The following LUZP2 variants were observed in gnomAD, a reference collection of about 807,000 sequenced individuals.
The protein encoded by LUZP2 is leucine zipper protein 2.
Under a neutral mutation model 51.6 loss-of-function variants are expected in LUZP2, and 52 were observed. The ratio of observed to expected loss-of-function variants is 1.01; its 90% CI spans 0.81 to 1.27. LUZP2 has a LOEUF of 1.27. LUZP2 is among the 50% of genes most tolerant of loss of function. The pLI is 0.00. For missense variants in LUZP2, 436 were observed against 395.4 expected, an observed-to-expected ratio of 1.10 and a Z score of -0.87; for synonymous variants, 154 against 137.3, an observed-to-expected ratio of 1.12 and a Z score of -0.85.
chr11:24,653,691 G>A (rs1476869481), intron 1 of LUZP2, among the ~76,000 whole-genome samples: 1 of 152,134 alleles, frequency 6.6e-6, no homozygotes, highest in Non-Finnish European at 1.5e-5. Context: ...CTGGGGTTGA[G>A]GATGTGAGAA....
intron 5 of LUZP2, among the ~76,000 whole-genome samples, chr11:24,844,074 G>T (rs1408023878): frequency 6.6e-6 from 1 of 152,170 alleles, no homozygotes; most frequent in Admixed American, 6.6e-5. Flanking sequence ...AGTGACTTTG[G>T]AACTGGGTAA....
chr11:24,836,886 T>A (rs1049825570), intron 5 of LUZP2, among the ~76,000 whole-genome samples: 5 of 151,826 alleles, frequency 3.3e-5, no homozygotes, highest in African/African-American at 1.2e-4. Context: ...ATTTCTTGAT[T>A]TTGATGCTTG....
At chr11:24,751,346 G>A (rs528191999) in intron 4 of LUZP2, 2 of 152,342 alleles carry the variant, frequency 1.3e-5, no homozygotes, top group East Asian at 1.9e-4. Flanking sequence ...GTTGAGTCAG[G>A]GGGCCGCAGT....
At chr11:24,970,550 G>A (rs970939247) in intron 7 of LUZP2, among the ~76,000 whole-genome samples, 32 of 152,192 alleles carry the variant, frequency 2.1e-4, no homozygotes, top group African/African-American at 7.2e-4. Flanking sequence ...CAAATCTAAC[G>A]TATGACTGAT....
At chr11:25,005,880 A>G (rs1318266950) in intron 9 of LUZP2, among the ~76,000 whole-genome samples, 1 of 152,106 alleles carries the variant, frequency 6.6e-6, no homozygotes, top group Non-Finnish European at 1.5e-5. Context: ...TTAGAGTCCT[A>G]AGCATTCTCC....
intron 1 of LUZP2, among the ~76,000 whole-genome samples, chr11:24,645,771 G>C (rs930492463): frequency 3.3e-5 from 5 of 152,022 alleles, no homozygotes; most frequent in Non-Finnish European, 7.4e-5. Context: ...GTTACATCCT[G>C]AGTGAGTAAT....
intron 5 of LUZP2, among the ~76,000 whole-genome samples, chr11:24,867,209 T>C (rs1300295117): frequency 6.6e-6 from 1 of 152,142 alleles, no homozygotes; most frequent in East Asian, 1.9e-4. Context: ...ACTCCTTGCA[T>C]TCTCATCTTA....
chr11:24,895,194 A>G (rs1852998939), intron 5 of LUZP2, among the ~76,000 whole-genome samples: 1 of 152,154 alleles, frequency 6.6e-6, no homozygotes, highest in Non-Finnish European at 1.5e-5. Context: ...CAAATGTGCT[A>G]AGTAGGTTGA....
At chr11:25,072,353 C>T (rs1392611423) in intron 10 of LUZP2, among the ~76,000 whole-genome samples, 1 of 152,026 alleles carries the variant, frequency 6.6e-6, no homozygotes, top group African/African-American at 2.4e-5. Context: ...TATTTTCAGT[C>T]AGTGCCTGGC....
At chr11:24,539,349 A>G (rs545511522) in intron 1 of LUZP2, among the ~76,000 whole-genome samples, 52 of 151,694 alleles carry the variant, frequency 3.4e-4, no homozygotes, top group Middle Eastern at 3.4e-3. Flanking sequence ...GCTATCTGTT[A>G]TAATTATGAA....
chr11:24,925,062 CAATAGACAGCTTTGCATGGCCATTTCA>C (rs1854186511), intron 7 of LUZP2, among the ~76,000 whole-genome samples: 1 of 152,034 alleles, frequency 6.6e-6, no homozygotes, highest in Non-Finnish European at 1.5e-5. Context: ...TTTTTTCCCA[CAATAGACAGCTTTGCATGGCCATTTCA>C]AAATACGTCA....
intron 1 of LUZP2, among the ~76,000 whole-genome samples, chr11:24,524,145 C>T (rs1424053922): frequency 6.6e-6 from 1 of 151,642 alleles, no homozygotes; most frequent in Admixed American, 6.6e-5. Context: ...TTATCATTTT[C>T]TATTAGATGA....
chr11:24,685,608 G>A (rs143199210), intron 1 of LUZP2, among the ~76,000 whole-genome samples: 15 of 152,170 alleles, frequency 9.9e-5, no homozygotes, highest in African/African-American at 2.6e-4. Flanking sequence ...GTAACTGCCC[G>A]CCCAACAAAG....
intron 5 of LUZP2, among the ~76,000 whole-genome samples, chr11:24,770,831 G>C (rs1417203242): frequency 6.6e-6 from 1 of 152,070 alleles, no homozygotes; most frequent in African/African-American, 2.4e-5. Context: ...ACAGCTTATA[G>C]GTTGTACCTT....
intron 9 of LUZP2, among the ~76,000 whole-genome samples, chr11:24,990,795 A>G (rs576490138): frequency 4.1e-4 from 63 of 152,022 alleles, no homozygotes; most frequent in Middle Eastern, 3.4e-3. Flanking sequence ...TCCTTACATA[A>G]TTCTAGCCTT....
At chr11:24,716,263 G>C (rs1339608617) in intron 1 of LUZP2, among the ~76,000 whole-genome samples, 1 of 152,074 alleles carries the variant, frequency 6.6e-6, no homozygotes, top group Non-Finnish European at 1.5e-5. Context: ...CAAATCTTGA[G>C]ATGTCATGGC....
intron 10 of LUZP2, among the ~76,000 whole-genome samples, chr11:25,063,089 T>C (rs12797366): frequency 6.6e-6 from 1 of 151,594 alleles, no homozygotes; most frequent in Non-Finnish European, 1.5e-5. Flanking sequence ...TTTACATCTG[T>C]GGATTTAACC....
chr11:25,071,267 T>C (rs1859150446), intron 10 of LUZP2, among the ~76,000 whole-genome samples: 1 of 152,022 alleles, frequency 6.6e-6, no homozygotes, highest in Non-Finnish European at 1.5e-5. Flanking sequence ...TATATGTCTA[T>C]TTTACATGTT....
chr11:24,931,274 A>AAAATAAAATAAAAT (rs1565126198), intron 7 of LUZP2, among the ~76,000 whole-genome samples: 5 of 147,032 alleles, frequency 3.4e-5, no homozygotes, highest in African/African-American at 1.2e-4. Flanking sequence ...TAAAATAAAA[A>AAAATAAAATAAAAT]GTTCTTTTTT....
Sources: gnomAD v4.1 joint callset for allele counts (sites outside exome capture counted in the v4.1 genomes callset) on GRCh38, gnomAD v4.1.1 for gene constraint, MANE v1.5 for transcripts, NCBI Gene and HGNC (gene_info 2026-07-23, HGNC 2026-07-21) for gene names.